ZNF680: variants seen among roughly 807,000 people sequenced by gnomAD.
The protein encoded by ZNF680 is zinc finger protein 680.
Under a neutral mutation model 12.1 loss-of-function variants are expected in ZNF680, and 6 were observed. The observed-to-expected ratio is 0.49, with a 90% CI of 0.27 to 0.98. The LOEUF (loss-of-function observed/expected upper bound fraction) is 0.98, where lower values mean the gene tolerates loss of function less well. Among genes scored for constraint, ZNF680 ranks in the 50% least tolerant of loss-of-function variants. The pLI is 0.12. For missense variants in ZNF680, 561 were observed against 616.3 expected (o/e 0.91, Z 0.95); for synonymous variants, 170 against 199.3 (o/e 0.85, Z 1.24).
rs370733580 is a variant in ZNF680 at position 64,522,352 on chromosome 7, C to T, written c.402G>A (p.Val134=). 5.6e-6 allele frequency: 9 copies of T among 1,612,868 alleles called. No individual in the cohort carries two copies. The highest frequency in any genetic ancestry group is 7.6e-6 in the Non-Finnish European group (9 of 1,179,394). Residue 134 remains valine (V), a synonymous_variant, in exon 4 of 4, where the codon GTG becomes GTA. Transcript: ENST00000309683. ...TAAGTTCATTATAACCTTCTTTGAACACCTTAGACTCATCCACACTTTTAC... is the reference window on the plus strand; with the variant it reads ...TAAGTTCATTATAACCTTCTTTGAATACCTTAGACTCATCCACACTTTTAC... The part of the protein sequence containing the change: ...ISCKSVDESK[V]FKEGYNELNQ...
chr7:64,562,522 C>T (rs1448590507), intron 1 of ZNF680, among the ~76,000 whole-genome samples: 1 of 152,162 alleles, frequency 6.6e-6, no homozygotes, highest in Admixed American at 6.5e-5. Context: ...TTTTGAACCA[C>T]TCTTCTATTA....
At chr7:64,557,738 AAT>A (rs1787502073) in intron 1 of ZNF680, among the ~76,000 whole-genome samples, 1 of 152,114 alleles carries the variant, frequency 6.6e-6, no homozygotes, top group African/African-American at 2.4e-5. Flanking sequence ...AGAATACAAA[AAT>A]TAGCCGGCTG....
the ZNF680 span, among the ~76,000 whole-genome samples, chr7:64,503,228 G>T: frequency 6.6e-6 from 1 of 151,828 alleles, no homozygotes; most frequent in Non-Finnish European, 1.5e-5. Flanking sequence ...ATAATGTGTT[G>T]CCATGACTTA....
At chr7:64,545,127 A>G (rs11764145) in intron 1 of ZNF680, among the ~76,000 whole-genome samples, 34,194 of 151,762 alleles carry the variant, frequency 0.23, 4,042 homozygotes, top group South Asian at 0.29. Context: ...AGCCGGGCAC[A>G]ATGATGTGCG....
At chr7:64,509,432 C>T in the ZNF680 span, among the ~76,000 whole-genome samples, 1 of 152,148 alleles carries the variant, frequency 6.6e-6, no homozygotes, top group Non-Finnish European at 1.5e-5. Flanking sequence ...AGAAAGGCAG[C>T]CATTCAATTT....
the ZNF680 span, chr7:64,501,276 T>G: frequency 1.0e-6 from 1 of 976,808 alleles, no homozygotes; most frequent in South Asian, 1.3e-5. Context: ...TTGCTTAGGC[T>G]GTAGTGCCCT....
chr7:64,510,014 G>T, the ZNF680 span, among the ~76,000 whole-genome samples: 3 of 130,182 alleles, frequency 2.3e-5, no homozygotes, highest in African/African-American at 5.9e-5. Context: ...TCCTTTAACC[G>T]TAAAACTCTA....
chr7:64,545,577 T>C (rs1786747073), intron 1 of ZNF680, among the ~76,000 whole-genome samples: 1 of 152,222 alleles, frequency 6.6e-6, no homozygotes. Context: ...GCTGGAAGAC[T>C]GCCCCCAAAA....
the ZNF680 span, among the ~76,000 whole-genome samples, chr7:64,501,993 A>ATTTATTTT: frequency 1.0e-5 from 1 of 96,342 alleles, no homozygotes; most frequent in African/African-American, 4.5e-5. Context: ...AAAAGGACGT[A>ATTTATTTT]TTTCTTTTTT....
chr7:64,502,669 C>T, the ZNF680 span, among the ~76,000 whole-genome samples: 1 of 152,130 alleles, frequency 6.6e-6, no homozygotes, highest in African/African-American at 2.4e-5. Flanking sequence ...ATAAACAAGT[C>T]TTTATTAAAC....
intron 1 of ZNF680, among the ~76,000 whole-genome samples, chr7:64,548,740 C>G (rs768243362): frequency 1.6e-4 from 24 of 152,210 alleles, no homozygotes; most frequent in Non-Finnish European, 2.6e-4. Flanking sequence ...CTCAAAGATG[C>G]CTAGGTGATT....
Position 64,544,440 on chromosome 7 carries a change from AC to A in ZNF680, c.31-9del, listed in dbSNP as rs1483045752. 18 of 91,476 alleles carry A rather than the reference AC, an allele frequency of 2.0e-4. 1 individual carries two copies. Among genetic ancestry groups the A allele is most frequent in the South Asian group, 1.2e-3 (8 of 6,514 alleles). The allele number at this position is 91,476 out of a possible 1,614,324, so 5.7% of individuals were successfully genotyped here. Reference sequence around the variant, plus strand: ...CCTAAATGTCAGTGGTCCCTGAAAAACACACACACACACACACACACACACA... The same window carrying A: ...CCTAAATGTCAGTGGTCCCTGAAAAAACACACACACACACACACACACACA... On this transcript the variant is annotated splice_polypyrimidine_tract_variant and intron_variant, in intron 1 of 3. Coordinates refer to ENST00000309683, the MANE Select transcript of ZNF680 (RefSeq NM_178558.5).
At chr7:64,536,036 A>G (rs951291095) in intron 3 of ZNF680, among the ~76,000 whole-genome samples, 3 of 152,204 alleles carry the variant, frequency 2.0e-5, no homozygotes, top group Non-Finnish European at 2.9e-5. Flanking sequence ...GGGTCAATTT[A>G]CCAGGAATCT....
At chr7:64,562,060 C>G (rs1198954359) in intron 1 of ZNF680, among the ~76,000 whole-genome samples, 1 of 148,838 alleles carries the variant, frequency 6.7e-6, no homozygotes, top group Non-Finnish European at 1.5e-5. Context: ...TGGTGAAACC[C>G]GTCTCTACTA....
chr7:64,504,860 G>A, the ZNF680 span, among the ~76,000 whole-genome samples: 1 of 152,174 alleles, frequency 6.6e-6, no homozygotes, highest in Admixed American at 6.5e-5. Flanking sequence ...TTACCCATTA[G>A]TTTTATATGA....
chr7:64,555,751 A>AT (rs1562777285), intron 1 of ZNF680, among the ~76,000 whole-genome samples: 1 of 84,474 alleles, frequency 1.2e-5, no homozygotes, highest in African/African-American at 5.5e-5. Context: ...TATATATATA[A>AT]AATAAGATAA....
At chr7:64,551,185 C>CA (rs1787057578) in intron 1 of ZNF680, among the ~76,000 whole-genome samples, 1 of 152,148 alleles carries the variant, frequency 6.6e-6, no homozygotes, top group African/African-American at 2.4e-5. Flanking sequence ...ACAAAATAAA[C>CA]TTTTAAGATC....
chr7:64,519,258 T>C (rs1479891560), downstream of ZNF680, among the ~76,000 whole-genome samples: 1 of 151,870 alleles, frequency 6.6e-6, no homozygotes, highest in African/African-American at 2.4e-5. Context: ...TCTCTAATTA[T>C]CAGAGTAATG....
chr7:64,507,018 T>C, the ZNF680 span, among the ~76,000 whole-genome samples: 1 of 152,200 alleles, frequency 6.6e-6, no homozygotes, highest in African/African-American at 2.4e-5. Context: ...GAAATATTTT[T>C]CCCTAAGACA....
Sources: allele counts gnomAD v4.1 joint callset (sites outside exome capture counted in the v4.1 genomes callset), GRCh38; gene constraint gnomAD v4.1.1; transcripts MANE v1.5; gene names NCBI Gene and HGNC (gene_info 2026-07-23, HGNC 2026-07-21).